ANKS1B: variants seen among roughly 807,000 people sequenced by gnomAD.
ANKS1B encodes ankyrin repeat and sterile alpha motif domain-containing protein 1B.
In ANKS1B, 36 loss-of-function variants were observed where a neutral mutation model predicts 148.3. The observed-to-expected ratio is 0.24, with a 90% confidence interval of 0.19 to 0.32. ANKS1B has a LOEUF of 0.32. Ranked by LOEUF, ANKS1B falls within the 10% of genes least tolerant of loss-of-function variation. The pLI is 1.00. For synonymous variants in ANKS1B, 542 were observed against 560.8 expected (o/e 0.97, Z 0.47); for missense variants, 1,157 against 1,542.6 (o/e 0.75, Z 4.19).
intron 1 of ANKS1B, among the ~76,000 whole-genome samples, chr12:99,958,476 G>C (rs1017029998): frequency 6.6e-6 from 1 of 152,076 alleles, no homozygotes; most frequent in Admixed American, 6.6e-5. Context: ...TCAACCTCCT[G>C]GGCTCAAGTG....
At chr12:99,384,270 T>C (rs888431446) in intron 12 of ANKS1B, among the ~76,000 whole-genome samples, 30 of 152,198 alleles carry the variant, frequency 2.0e-4, no homozygotes, top group African/African-American at 7.2e-4. Context: ...CACTAACTTA[T>C]TGGTTCTGTG....
chr12:99,497,851 AC>A (rs888420286), intron 10 of ANKS1B, among the ~76,000 whole-genome samples: 1 of 148,208 alleles, frequency 6.7e-6, no homozygotes, highest in African/African-American at 2.5e-5. Flanking sequence ...CTCTCTCTCC[AC>A]CCCCACCTCC....
chr12:98,806,614 T>C (rs2099052994), intron 20 of ANKS1B, among the ~76,000 whole-genome samples: 1 of 152,240 alleles, frequency 6.6e-6, no homozygotes, highest in South Asian at 2.1e-4. Context: ...CACAGCTCTA[T>C]GCTTATAAAT....
intron 9 of ANKS1B, among the ~76,000 whole-genome samples, chr12:99,512,033 T>G (rs185728277): frequency 6.6e-6 from 1 of 151,896 alleles, no homozygotes; most frequent in East Asian, 1.9e-4. Flanking sequence ...ATGCCAGAAG[T>G]GATTGCAACA....
chr12:98,867,992 T>G (rs1400979647), intron 17 of ANKS1B, among the ~76,000 whole-genome samples: 1 of 152,198 alleles, frequency 6.6e-6, no homozygotes, highest in East Asian at 1.9e-4. Flanking sequence ...GCTTAGACAT[T>G]TCATTCATGA....
intron 12 of ANKS1B, among the ~76,000 whole-genome samples, chr12:99,253,122 G>C (rs1360020183): frequency 6.6e-6 from 1 of 152,054 alleles, no homozygotes; most frequent in Non-Finnish European, 1.5e-5. Flanking sequence ...AGCTACTCAG[G>C]AGACTGAGAT....
chr12:99,096,436 T>C (rs545737857), intron 15 of ANKS1B, among the ~76,000 whole-genome samples: 25 of 152,086 alleles, frequency 1.6e-4, no homozygotes, highest in Non-Finnish European at 2.8e-4. Flanking sequence ...AATTCGGTGA[T>C]GGGAAAACTT....
At chr12:98,982,125 C>T (rs2099911812) in intron 17 of ANKS1B, among the ~76,000 whole-genome samples, 3 of 152,104 alleles carry the variant, frequency 2.0e-5, no homozygotes, top group Admixed American at 2.0e-4. Context: ...AAATGTGAAT[C>T]AATACTTTAA....
chr12:99,824,174 T>C (rs899093171), intron 2 of ANKS1B, among the ~76,000 whole-genome samples: 1 of 152,262 alleles, frequency 6.6e-6, no homozygotes, highest in Non-Finnish European at 1.5e-5. Flanking sequence ...AATCTGTAGA[T>C]TGTAACTAGC....
chr12:99,077,106 AG>A (rs2048124833), intron 16 of ANKS1B, among the ~76,000 whole-genome samples: 5 of 152,186 alleles, frequency 3.3e-5, no homozygotes, highest in Admixed American at 3.3e-4. Context: ...AACTGAGTGG[AG>A]CTTGTAAGAA....
At chr12:99,085,823 C>T (rs371529615) in intron 15 of ANKS1B, among the ~76,000 whole-genome samples, 40 of 152,036 alleles carry the variant, frequency 2.6e-4, no homozygotes, top group African/African-American at 6.0e-4. Flanking sequence ...TGAGAACACA[C>T]GGACGTAGAG....
At chr12:98,838,468 T>C (rs2099387802) in intron 17 of ANKS1B, among the ~76,000 whole-genome samples, 1 of 152,186 alleles carries the variant, frequency 6.6e-6, no homozygotes, top group Admixed American at 6.5e-5. Flanking sequence ...CATTTTGTTA[T>C]GTTTTTGGAG....
Position 99,590,950 on chromosome 12 carries a change from GA to G in ANKS1B, c.1272+64116del, listed in dbSNP as rs562108636. Among the ~76,000 whole-genome samples, 51 of 152,070 alleles carry G rather than the reference GA, an allele frequency of 3.4e-4. No homozygotes were observed. The South Asian group carries it at 1.0e-2, about 30-fold the overall frequency. On this transcript the variant is annotated intron_variant, in intron 9 of 26. Coordinates refer to ENST00000683438, the MANE Select transcript of ANKS1B (RefSeq NM_001352186.2). ...GAACTGTCTCTATACATACAATATG[GA>G]ACAAATTATTGCAAATTCAGTGTCC...
rs114864955 is a variant in ANKS1B at position 99,179,150 on chromosome 12, C to T, written c.2420-24755G>A. On this transcript the variant is annotated intron_variant, in intron 14 of 26. Transcript: ENST00000683438. ...GGAAGGATATAAATTTAGTTGAGGCCGGGCGCGGTGGCTCATGCCTATAAT... is the reference window on the plus strand; with the variant it reads ...GGAAGGATATAAATTTAGTTGAGGCTGGGCGCGGTGGCTCATGCCTATAAT... 5.3e-3 allele frequency among the ~76,000 whole-genome samples: 803 copies of T among 152,084 alleles called. 11 individuals are homozygous for T. Among genetic ancestry groups the T allele is most frequent in the African/African-American group, 0.019 (775 of 41,506 alleles).
chr12:99,634,542 G>T (rs2098212735), intron 9 of ANKS1B, among the ~76,000 whole-genome samples: 1 of 152,140 alleles, frequency 6.6e-6, no homozygotes, highest in Non-Finnish European at 1.5e-5. Context: ...CTTGAAAACA[G>T]AAATTTATAC....
chr12:99,557,096 T>G (rs2097284843), intron 9 of ANKS1B, among the ~76,000 whole-genome samples: 1 of 152,184 alleles, frequency 6.6e-6, no homozygotes, highest in Non-Finnish European at 1.5e-5. Flanking sequence ...CTAGCTGCCT[T>G]TAACATTTTT....
At chr12:99,412,060 T>C (rs2094727232) in intron 11 of ANKS1B, among the ~76,000 whole-genome samples, 1 of 152,238 alleles carries the variant, frequency 6.6e-6, no homozygotes, top group Admixed American at 6.5e-5. Flanking sequence ...CTATTTTTAA[T>C]TTTAAAAACT....
At position 99,026,583 on chromosome 12, in the gene ANKS1B, T is replaced by C. The variant is rs1335804473; in HGVS notation, c.2778+26574A>G. The stretch of plus-strand genomic sequence containing the variant: ...TATTATTCTCTGTCCCCTGAAGAGC[T>C]ATTTATTTTCCTTCTAGTTCAGAAA... On this transcript the variant is annotated intron_variant, in intron 17 of 26. Transcript: ENST00000683438. Among the ~76,000 whole-genome samples, 3 of 151,252 alleles carry C rather than the reference T, an allele frequency of 2.0e-5. No homozygotes were observed. In the South Asian group the frequency reaches 6.3e-4, roughly 32 times the overall value.
At position 99,641,340 on chromosome 12, in the gene ANKS1B, G is replaced by C. The variant is rs376037755; in HGVS notation, c.1272+13727C>G. On this transcript the variant is annotated intron_variant, in intron 9 of 26. Transcript: ENST00000683438. ...GTGAGTTACTTGCCCAAGATTTTAT[G>C]GCCAACAAATAATAGTCAGGCCAAT... Among the ~76,000 whole-genome samples the C allele has an allele frequency of 2.0e-5, 3 of 152,234 alleles. No homozygotes were observed. In the East Asian group the frequency reaches 5.8e-4, roughly 29 times the overall value.
Sources: gnomAD v4.1 joint callset for allele counts (sites outside exome capture counted in the v4.1 genomes callset) on GRCh38, gnomAD v4.1.1 for gene constraint, MANE v1.5 for transcripts, NCBI Gene and HGNC (gene_info 2026-07-23, HGNC 2026-07-21) for gene names.